The following WDR87 variants were observed in gnomAD, a reference collection of about 807,000 sequenced individuals.
WDR87 encodes WD repeat-containing protein 87.
In WDR87, 56 loss-of-function variants were observed where a neutral mutation model predicts 83.3. That is an observed-to-expected ratio of 0.67 (90% CI 0.54 to 0.84). WDR87 has a LOEUF of 0.84. WDR87 is among the 40% of genes least tolerant of loss of function. The pLI, the probability that WDR87 is intolerant of heterozygous loss-of-function variation, is 0.00. For missense variants in WDR87, 2,939 were observed against 3,431.9 expected (o/e 0.86, Z 3.59); for synonymous variants, 1,173 against 1,250.6 (o/e 0.94, Z 1.31).
In WDR87 at chr19:37,889,372, T is replaced by C; in HGVS notation, c.4299A>G (p.Lys1433=). The C allele has an allele frequency of 6.4e-7, 1 of 1,551,610 alleles. No homozygotes were observed. Among genetic ancestry groups the C allele is most frequent in the Non-Finnish European group, 8.7e-7 (1 of 1,147,006 alleles). Residue 1433 remains lysine, a synonymous_variant, in exon 6 of 6, where the codon AAA becomes AAG. Transcript: ENST00000447313. The part of the protein sequence containing the change: ...GKEISKKEEK[K]TFQKSPKQGR... The stretch of plus-strand genomic sequence containing the variant: ...CTTGCTTAGGTGACTTCTGAAAGGT[T>C]TTCTTCTCTTCTTTCTTTGATATTT...
In WDR87 at chr19:37,887,910, C is replaced by T. The variant is rs529871654; in HGVS notation, c.5761G>A (p.Gly1921Arg). ...TGAGCCAGTATCTTGTTGAACATTC[C>T]CAATTTGTTCTTTACTTGCACTAAT... ...KQLVQVKNKL[G>R]MFNKILAQVE... Residue 1921 changes from glycine to arginine, a missense_variant, in exon 6 of 6, where the codon GGA (glycine) becomes AGA (arginine). Gly to Arg is a moderately radical substitution (Grantham distance 125, BLOSUM62 -2). Coordinates refer to ENST00000447313, the MANE Select transcript of WDR87 (RefSeq NM_001291088.2). 133 of 1,551,608 alleles carry T rather than the reference C, an allele frequency of 8.6e-5. No individual in the cohort carries two copies. In the African/African-American group the frequency reaches 1.4e-3, roughly 16 times the overall value.
chr19:37,891,461 C>A lies in WDR87; in HGVS notation c.3394+91G>T, dbSNP rs921252811. The A allele has an allele frequency of 2.1e-6, 3 of 1,462,866 alleles. No homozygotes were observed. The African/African-American group carries it at 4.3e-5, about 21-fold the overall frequency. 90.6% of individuals were successfully genotyped at this position (1,462,866 alleles called of 1,614,324 possible). Reference sequence around the variant, plus strand: ...ACAGGCATGAGCCATCATGTCCCGCCAGCCCACCTAGTATCTCTTGATCCA... The same window carrying A: ...ACAGGCATGAGCCATCATGTCCCGCAAGCCCACCTAGTATCTCTTGATCCA... On this transcript the variant is annotated intron_variant, in intron 5 of 5. Coordinates refer to ENST00000447313, the MANE Select transcript of WDR87 (RefSeq NM_001291088.2).
At chr19:37,891,164 CTCT>C (rs1397866439) in intron 5 of WDR87, among the ~76,000 whole-genome samples, 4 of 72,736 alleles carry the variant, frequency 5.5e-5, no homozygotes, top group South Asian at 1.4e-3. Flanking sequence ...CCTGGTATCT[CTCT>C]TTTTTTTTTT....
chr19:37,900,256 A>C (rs2046284908), intron 1 of WDR87, among the ~76,000 whole-genome samples: 1 of 152,168 alleles, frequency 6.6e-6, no homozygotes, highest in Non-Finnish European at 1.5e-5. Context: ...TTGAGTCTAC[A>C]AAGGGCAGAT....
At position 37,891,799 on chromosome 19, in the gene WDR87, T is replaced by C; in HGVS notation, c.3147A>G (p.Glu1049=). 6.4e-7 allele frequency: 1 copy of C among 1,551,856 alleles called. No homozygotes were observed. Among genetic ancestry groups the C allele is most frequent in the Middle Eastern group, 1.7e-4 (1 of 5,994 alleles). The stretch of plus-strand genomic sequence containing the variant: ...GCATCCCCAGTAGATGGTCCAGGGG[T>C]TCCTCCCCGATCATCTGCTGCCTAT... ...REMQQQMIGE[E]PLDHLLGMRA... Residue 1049 remains glutamate, a synonymous_variant, in exon 5 of 6, where the codon GAA becomes GAG. Transcript: ENST00000447313.
Position 37,889,551 on chromosome 19 carries a change from C to G in WDR87, c.4120G>C (p.Glu1374Gln). 6.4e-7 allele frequency: 1 copy of G among 1,551,742 alleles called. No homozygotes were observed. Among genetic ancestry groups the G allele is most frequent in the Non-Finnish European group, 8.7e-7 (1 of 1,147,030 alleles). ...REDMIQGVTQ[E>Q]VIRHKEVMPR... ...ATCACTTCCTTGTGTCTGATCACCT[C>G]TTGGGTCACACCTTGTATCATGTCC... Residue 1374 changes from glutamate to glutamine, a missense_variant, in exon 6 of 6, where the codon GAG becomes CAG. Around this residue, in one of 3 missense-constraint regions of WDR87, gnomAD observed 2,160 missense variants for 2,533.1 expected, o/e 0.85. Coordinates refer to ENST00000447313, the MANE Select transcript of WDR87 (RefSeq NM_001291088.2).
chr19:37,889,064 T>C lies in WDR87; in HGVS notation c.4607A>G (p.His1536Arg), dbSNP rs1364417182. The C allele has an allele frequency of 6.4e-7, 1 of 1,552,162 alleles. No individual in the cohort carries two copies. The highest frequency in any genetic ancestry group is 1.2e-5 in the South Asian group (1 of 84,066). ...KRLLQEEEKL[H>R]QAGEKLSPEE... The stretch of plus-strand genomic sequence containing the variant: ...CGGGGATAGCTTCTCTCCAGCCTGA[T>C]GTAGTTTCTCCTCTTCCTGAAGAAG... Residue 1536 changes from histidine (H) to arginine (R), a missense_variant, in exon 6 of 6, where the codon CAT becomes CGT. Transcript: ENST00000447313.
Position 37,891,670 on chromosome 19 carries a change from G to A in WDR87, c.3276C>T (p.Val1092=). 6.4e-7 allele frequency: 1 copy of A among 1,551,814 alleles called. No individual in the cohort carries two copies. ...AGGATTTAAGTTCAGAAGGCATTGA[G>A]ACATCTAAAGAAAAAGCCGGCTTTT... The part of the protein sequence containing the change: ...RDEKPAFSLD[V]SMPSELKSSL... The change falls in exon 5 of 6, where the codon GTC becomes GTT. Residue 1092 remains valine, a synonymous_variant. Transcript: ENST00000447313.
chr19:37,898,880 T>G (rs1206355668), intron 1 of WDR87, among the ~76,000 whole-genome samples: 1 of 152,208 alleles, frequency 6.6e-6, no homozygotes, highest in Non-Finnish European at 1.5e-5. Flanking sequence ...GAGGCCAACC[T>G]TTCCTGCCAG....
chr19:37,896,067 A>G (rs2046253020), intron 3 of WDR87, 71 bp downstream of exon 3: 1 of 1,521,006 alleles, frequency 6.6e-7, no homozygotes, highest in East Asian at 2.5e-5. Flanking sequence ...TCCTTTGTCA[A>G]TCTGGGCTAA....
chr19:37,887,343 C>G lies in WDR87; in HGVS notation c.6328G>C (p.Ala2110Pro). The part of the protein sequence containing the change: ...KKRESLSKEP[A>P]KLNKILKALQ... Reference sequence around the variant, plus strand: ...GCCTTTAAGATTTTGTTCAGTTTTGCTGGTTCCTTGGAAAGGCTCTCCCTT... The same window carrying G: ...GCCTTTAAGATTTTGTTCAGTTTTGGTGGTTCCTTGGAAAGGCTCTCCCTT... Residue 2110 changes from alanine (A) to proline (P), a missense_variant, in exon 6 of 6, where the codon GCA (alanine) becomes CCA (proline). Around this residue, in one of 3 missense-constraint regions of WDR87, gnomAD observed 2,160 missense variants for 2,533.1 expected, o/e 0.85. Transcript: ENST00000447313. 1 of 1,551,652 alleles carries G rather than the reference C, an allele frequency of 6.4e-7. No homozygotes were observed. The highest frequency in any genetic ancestry group is 8.7e-7 in the Non-Finnish European group (1 of 1,146,972).
Position 37,888,489 on chromosome 19 carries a change from C to T in WDR87, c.5182G>A (p.Val1728Met). The T allele has an allele frequency of 2.6e-6, 4 of 1,551,892 alleles. No homozygotes were observed. The highest frequency in any genetic ancestry group is 3.5e-6 in the Non-Finnish European group (4 of 1,147,010). The stretch of plus-strand genomic sequence containing the variant: ...ACTTTCTGGGCCAATATGTTTTTCA[C>T]CTCAGCCAGTTTCCCTCCTTTCTTT... ...LAKKGGKLAE[V>M]KNILAQKVEE... The change falls in exon 6 of 6, where the codon GTG (valine) becomes ATG (methionine). Residue 1728 changes from valine (V) to methionine (M), a missense_variant. Coordinates refer to ENST00000447313, the MANE Select transcript of WDR87 (RefSeq NM_001291088.2).
At position 37,893,906 on chromosome 19, in the gene WDR87, T is replaced by C; in HGVS notation, c.1797A>G (p.Ile599Met). The change falls in exon 4 of 6, where the codon ATA becomes ATG. Residue 599 changes from isoleucine (I) to methionine (M), a missense_variant. Ile to Met is a conservative substitution (Grantham distance 10). This residue lies in a region of WDR87 where 553 missense variants were observed against 577.9 expected (regional missense o/e 0.96). Transcript: ENST00000447313. ...SSGSQNGLKFIETLPLHLCAI... is the reference protein window; with the variant it reads ...SSGSQNGLKFMETLPLHLCAI... ...CACACAGGTGCAGAGGCAGTGTTTC[T>C]ATGAATTTCAAGCCATTCTGTGACC... 6.4e-7 allele frequency: 1 copy of C among 1,551,870 alleles called. No homozygotes were observed. The highest frequency in any genetic ancestry group is 8.7e-7 in the Non-Finnish European group (1 of 1,147,020).
In WDR87 at chr19:37,889,039, C is replaced by T. The variant is rs530749120; in HGVS notation, c.4632G>A (p.Pro1544=). 5.7e-5 allele frequency: 88 copies of T among 1,552,068 alleles called. 1 individual carries two copies. The highest frequency in any genetic ancestry group is 5.8e-5 in the Non-Finnish European group (67 of 1,147,072). The change falls in exon 6 of 6, where the codon CCG becomes CCA. Residue 1544 remains proline, a synonymous_variant. Coordinates refer to ENST00000447313, the MANE Select transcript of WDR87 (RefSeq NM_001291088.2). The part of the protein sequence containing the change: ...KLHQAGEKLS[P]EEEMLQEDKK... ...TGTCCTCCTGAAGCATTTCCTCCTC[C>T]GGGGATAGCTTCTCTCCAGCCTGAT...
intron 1 of WDR87, among the ~76,000 whole-genome samples, chr19:37,899,052 A>G (rs976631171): frequency 5.9e-5 from 9 of 151,948 alleles, no homozygotes; most frequent in Non-Finnish European, 1.2e-4. Flanking sequence ...AGGCCCATCA[A>G]TCTGAGATTA....
rs756748251 is a variant in WDR87, at chr19:37,885,558, AG to A, written c.8112del (p.Tyr2706IlefsTer22). 1 of 1,551,716 alleles carries A rather than the reference AG, an allele frequency of 6.4e-7. No homozygotes were observed. Among genetic ancestry groups the A allele is most frequent in the South Asian group, 1.2e-5 (1 of 84,066 alleles). ...SIAHKEMEMQ[Y>X]FYPATRDIFP... is the part of the protein sequence containing the mutation. Reference sequence around the variant, plus strand: ...AAAATGTCTCTGGTGGCAGGATAAAAGTATTGCATTTCCATCTCCTTGTGAG... The same window carrying A: ...AAAATGTCTCTGGTGGCAGGATAAAATATTGCATTTCCATCTCCTTGTGAG... On this transcript the variant is annotated frameshift_variant, in exon 6 of 6. Transcript: ENST00000447313. LOFTEE classifies it low-confidence loss of function (END_TRUNC).
Position 37,886,459 on chromosome 19 carries a change from T to A in WDR87, c.7212A>T (p.Arg2404Ser), listed in dbSNP as rs976214969. 2.6e-5 allele frequency: 39 copies of A among 1,526,984 alleles called. No individual in the cohort carries two copies. The highest frequency in any genetic ancestry group is 1.1e-4 in the Admixed American group (5 of 43,652). 94.6% of individuals were successfully genotyped at this position (1,526,984 alleles called of 1,614,324 possible). Residue 2404 changes from arginine to serine, a missense_variant, in exon 6 of 6, where the codon AGA becomes AGT. By Grantham distance (110) the Arg-to-Ser change is moderately radical. Transcript: ENST00000447313. ...QRRKSLRGRE[R>S]VLSILRGVPH... is the part of the protein sequence containing the mutation. ...GAACTCCTCTTAAAATGGAAAGGAC[T>A]CTTTCCCTTCCTCTTAGGCTCTTTC...
Position 37,892,842 on chromosome 19 carries a change from G to C in WDR87, c.2861C>G (p.Ser954Cys). ...GGCTGTCTCAGAGCGTAGGGCTGGGGACACCTGGTAAGAGGCAAAGATTTG... is the reference window on the plus strand; with the variant it reads ...GGCTGTCTCAGAGCGTAGGGCTGGGCACACCTGGTAAGAGGCAAAGATTTG... ...LGQIFASYQV[S>C]PALRSETARR... Residue 954 changes from serine (S) to cysteine (C), a missense_variant, in exon 4 of 6, where the codon TCC becomes TGC. Transcript: ENST00000447313. The C allele has an allele frequency of 6.4e-7, 1 of 1,551,836 alleles. No individual in the cohort carries two copies. Among genetic ancestry groups the C allele is most frequent in the Non-Finnish European group, 8.7e-7 (1 of 1,147,018 alleles).
chr19:37,885,671 G>C lies in WDR87; in HGVS notation c.8000C>G (p.Thr2667Ser). 1 of 1,551,758 alleles carries C rather than the reference G, an allele frequency of 6.4e-7. No individual in the cohort carries two copies. The highest frequency in any genetic ancestry group is 1.2e-5 in the South Asian group (1 of 84,064). ...AVPTQKSPLA[T>S]KRIPDPRAKN... ...AGCCCTTGGGTCTGGAATCCTCTTG[G>C]TAGCTAATGGGGACTTTTGTGTGGG... Residue 2667 changes from threonine to serine, a missense_variant, in exon 6 of 6, where the codon ACC becomes AGC. Physicochemically the swap from Thr to Ser is moderately conservative, Grantham distance 58 (BLOSUM62 1). This residue lies in a region of WDR87 where 2,160 missense variants were observed against 2,533.1 expected (regional missense o/e 0.85). Coordinates refer to ENST00000447313, the MANE Select transcript of WDR87 (RefSeq NM_001291088.2).
Sources: allele counts gnomAD v4.1 joint callset (sites outside exome capture counted in the v4.1 genomes callset), GRCh38; gene constraint gnomAD v4.1.1; regional missense constraint gnomAD v4.1.1; transcripts MANE v1.5; gene names NCBI Gene and HGNC (gene_info 2026-07-23, HGNC 2026-07-21).